The following VPS13B variants were observed in gnomAD, a reference collection of about 807,000 sequenced individuals.
VPS13B encodes the protein vacuolar protein sorting 13 homolog B, also known as intermembrane lipid transfer protein VPS13B.
A neutral mutation model predicts 426.4 loss-of-function variants in VPS13B; 285 were observed. The observed-to-expected ratio is 0.67, with a 90% CI of 0.61 to 0.74. The LOEUF (loss-of-function observed/expected upper bound fraction) is 0.74. VPS13B is among the 30% of genes least tolerant of loss of function. The pLI is 0.00. For synonymous variants in VPS13B, 1,676 were observed against 1,676.4 expected (o/e 1.00, Z 0.01); for missense variants, 4,537 against 4,782.6 (o/e 0.95, Z 1.51).
intron 39 of VPS13B, among the ~76,000 whole-genome samples, chr8:99,764,406 ATTCT>A (rs1222325662): frequency 7.3e-6 from 1 of 137,236 alleles, no homozygotes; most frequent in South Asian, 2.3e-4. Flanking sequence ...ATAGAGAGAG[ATTCT>A]TTTTTTTTTT....
chr8:99,167,461 C>A (rs1206029898), intron 15 of VPS13B, among the ~76,000 whole-genome samples: 1 of 151,844 alleles, frequency 6.6e-6, no homozygotes, highest in East Asian at 1.9e-4. Context: ...ATGGCAGTAA[C>A]AAAAATTATT....
intron 16 of VPS13B, among the ~76,000 whole-genome samples, chr8:99,176,498 A>G (rs1812639903): frequency 6.6e-6 from 1 of 152,194 alleles, no homozygotes; most frequent in South Asian, 2.1e-4. Context: ...GGTTCCAAGA[A>G]GCAGAAAAAA....
intron 14 of VPS13B, among the ~76,000 whole-genome samples, chr8:99,148,385 A>T (rs200300012): frequency 0.074 from 11,165 of 151,448 alleles, 643 homozygotes; most frequent in African/African-American, 0.16. Flanking sequence ...AAAGAAAAAG[A>T]TAAAAGTATC....
chr8:99,656,190 G>T (rs1418434783), intron 34 of VPS13B, among the ~76,000 whole-genome samples: 2 of 152,140 alleles, frequency 1.3e-5, no homozygotes, highest in African/African-American at 4.8e-5. Context: ...TTACAGCTTT[G>T]TCAATACAAA....
intron 3 of VPS13B, among the ~76,000 whole-genome samples, chr8:99,039,576 T>C (rs905015767): frequency 3.3e-5 from 5 of 151,824 alleles, no homozygotes; most frequent in Admixed American, 3.3e-4. Context: ...CCACTTAATA[T>C]TTAACTTTTA....
At chr8:99,275,275 A>G (rs777474244) in intron 19 of VPS13B, 21 bp downstream of exon 19, 3 of 1,353,534 alleles carry the variant, frequency 2.2e-6, no homozygotes, top group African/African-American at 1.7e-5. Context: ...ACCTATCATT[A>G]TTCCCTTGTT....
rs370519991 is a variant in VPS13B, at chr8:99,511,335, A to G, written c.4456A>G (p.Ile1486Val). 1.9e-5 allele frequency: 31 copies of G among 1,613,804 alleles called. No homozygotes were observed. Among genetic ancestry groups the G allele is most frequent in the Non-Finnish European group, 2.5e-5 (30 of 1,179,976 alleles). The change falls in exon 29 of 62, where the codon ATT becomes GTT. Residue 1486 changes from isoleucine (I) to valine (V), a missense_variant. Transcript: ENST00000357162. Reference protein sequence around the residue: ...IVLYFPLLNAIASIFQAKLPK... With the variant: ...IVLYFPLLNAVASIFQAKLPK... ...TCTTTATTTTCCTTTACTTAATGCC[A>G]TTGCAAGTATATTTCAAGCAAAACT...
chr8:99,404,874 T>C (rs954502214), intron 21 of VPS13B, among the ~76,000 whole-genome samples: 4 of 152,208 alleles, frequency 2.6e-5, no homozygotes, highest in South Asian at 2.1e-4. Context: ...AAGTAAGATA[T>C]GTGAAAGTTC....
chr8:99,028,310 C>T lies in VPS13B; in HGVS notation c.148-10113C>T, dbSNP rs1426782147. Among the ~76,000 whole-genome samples the T allele has an allele frequency of 2.8e-4, 42 of 151,346 alleles. 1 individual carries two copies. Among genetic ancestry groups the T allele is most frequent in the Admixed American group, 2.5e-3 (38 of 15,246 alleles). ...GCAGCCGGGCAGAGGTGCCCCTCAC[C>T]TCCCGGACGGGGCGGCTGGCCGGGC... On this transcript the variant is annotated intron_variant, in intron 2 of 61. Transcript: ENST00000357162.
intron 33 of VPS13B, among the ~76,000 whole-genome samples, chr8:99,639,398 G>T (rs181047009): frequency 6.6e-6 from 1 of 152,054 alleles, no homozygotes; most frequent in Admixed American, 6.6e-5. Flanking sequence ...AGCTCAGAGG[G>T]GCACTCCAAG....
chr8:99,359,693 A>G lies in VPS13B; in HGVS notation c.2825-24515A>G, dbSNP rs149545645. On this transcript the variant is annotated intron_variant, in intron 19 of 61. Coordinates refer to ENST00000357162, the MANE Select transcript of VPS13B (RefSeq NM_152564.5). Reference sequence around the variant, plus strand: ...GAGTTAAATAGAATTAGCTTAATTCAATACGTGGATTAACCACATAGTAAT... The same window carrying G: ...GAGTTAAATAGAATTAGCTTAATTCGATACGTGGATTAACCACATAGTAAT... Among the ~76,000 whole-genome samples, 928 of 152,396 alleles carry G rather than the reference A, an allele frequency of 6.1e-3. 13 individuals carry two copies. Among genetic ancestry groups the G allele is most frequent in the African/African-American group, 0.021 (883 of 41,598 alleles).
chr8:99,017,126 A>G (rs1309725512), intron 2 of VPS13B, among the ~76,000 whole-genome samples: 2 of 152,192 alleles, frequency 1.3e-5, no homozygotes, highest in Admixed American at 6.5e-5. Context: ...TATTTCTTTT[A>G]GGAGCTTTAT....
intron 19 of VPS13B, among the ~76,000 whole-genome samples, chr8:99,279,620 A>G (rs2133012841): frequency 6.6e-6 from 1 of 152,236 alleles, no homozygotes; most frequent in Non-Finnish European, 1.5e-5. Context: ...CCTATGATTC[A>G]TAGCAGGTTC....
At chr8:99,096,171 G>A (rs1384875135) in intron 3 of VPS13B, 141 bp from the exon 4 acceptor site, 4 of 882,968 alleles carry the variant, frequency 4.5e-6, no homozygotes, top group South Asian at 1.8e-5. Flanking sequence ...AATTGGTTAT[G>A]TAGTTTTTAG....
intron 33 of VPS13B, among the ~76,000 whole-genome samples, chr8:99,612,585 C>T (rs1290238331): frequency 6.6e-6 from 1 of 152,194 alleles, no homozygotes; most frequent in Non-Finnish European, 1.5e-5. Context: ...CTTCCCTTTG[C>T]CTGCTGAACT....
intron 39 of VPS13B, among the ~76,000 whole-genome samples, chr8:99,730,415 T>C (rs1833546009): frequency 6.6e-6 from 1 of 152,146 alleles, no homozygotes; most frequent in South Asian, 2.1e-4. Flanking sequence ...CTGCTAAGTG[T>C]TTTGCTTCCA....
chr8:99,577,667 C>T, intron 33 of VPS13B, 34 bp downstream of exon 33: 1 of 1,611,308 alleles, frequency 6.2e-7, no homozygotes, highest in African/African-American at 1.3e-5. Flanking sequence ...AGGCTTACTG[C>T]ATTTGTTCCA....
rs570414896 is a variant in VPS13B at position 99,755,186 on chromosome 8, A to C, written c.7051-11588A>C. Among the ~76,000 whole-genome samples the C allele has an allele frequency of 1.4e-4, 21 of 152,198 alleles. No individual in the cohort carries two copies. In the East Asian group the frequency reaches 4.1e-3, roughly 30 times the overall value. ...TGTACTCTCACCTCTGTCTGTCCTT[A>C]AAGCTCTGTGCAAGCAGTAAGTGAA... On this transcript the variant is annotated intron_variant, in intron 39 of 61. Coordinates refer to ENST00000357162, the MANE Select transcript of VPS13B (RefSeq NM_152564.5).
At chr8:99,358,356 C>T (rs909525789) in intron 19 of VPS13B, among the ~76,000 whole-genome samples, 1 of 152,076 alleles carries the variant, frequency 6.6e-6, no homozygotes, top group African/African-American at 2.4e-5. Flanking sequence ...ATAATTTGTA[C>T]CAGTGTCCCA....
Sources: gnomAD v4.1 joint callset for allele counts (sites outside exome capture counted in the v4.1 genomes callset) on GRCh38, gnomAD v4.1.1 for gene constraint, MANE v1.5 for transcripts, NCBI Gene and HGNC (gene_info 2026-07-23, HGNC 2026-07-21) for gene names.